ASB15: variants seen among roughly 807,000 people sequenced by gnomAD.
The protein encoded by ASB15 is ankyrin repeat and SOCS box containing 15.
In ASB15, 54 loss-of-function variants were observed where a neutral mutation model predicts 58.0. The observed-to-expected ratio is 0.93, with a 90% CI of 0.75 to 1.17. The LOEUF is 1.17. ASB15 is among the 50% of genes most tolerant of loss of function. The probability of loss-of-function intolerance (pLI) is 0.00; values close to 1 mark genes in which losing one functional copy is unlikely to be tolerated. For synonymous variants in ASB15, 249 were observed against 262.4 expected, an observed-to-expected ratio of 0.95 and a Z score of 0.50; for missense variants, 680 against 707.4, an observed-to-expected ratio of 0.96 and a Z score of 0.44.
chr7:123,570,188 C>T (rs1798871127), intron 1 of ASB15, among the ~76,000 whole-genome samples: 1 of 151,912 alleles, frequency 6.6e-6, no homozygotes, highest in Non-Finnish European at 1.5e-5. Flanking sequence ...GCGCCCGCCA[C>T]CATGCCCAGC....
At chr7:123,602,127 A>C (rs1019853605) in intron 1 of ASB15, among the ~76,000 whole-genome samples, 1 of 152,206 alleles carries the variant, frequency 6.6e-6, no homozygotes, top group African/African-American at 2.4e-5. Flanking sequence ...ACTCAATTGC[A>C]TAATTACTAA....
chr7:123,630,168 G>A, intron 11 of ASB15, 49 bp downstream of exon 11: 1 of 1,379,428 alleles, frequency 7.2e-7, no homozygotes, highest in Non-Finnish European at 9.9e-7. Context: ...GAACTTATAT[G>A]GGGGAAATTT....
intron 1 of ASB15, among the ~76,000 whole-genome samples, chr7:123,578,683 T>C (rs1327619128): frequency 6.6e-6 from 1 of 152,090 alleles, no homozygotes; most frequent in African/African-American, 2.4e-5. Flanking sequence ...TTTCATTCAA[T>C]AGCTTAGTCT....
At chr7:123,606,842 A>T (rs1168420469) in intron 2 of ASB15, among the ~76,000 whole-genome samples, 1 of 152,092 alleles carries the variant, frequency 6.6e-6, no homozygotes, top group Non-Finnish European at 1.5e-5. Context: ...TTCTTCATTT[A>T]TTCATCTGTC....
upstream of ASB15, among the ~76,000 whole-genome samples, chr7:123,601,274 AT>A (rs999065081): frequency 3.3e-5 from 5 of 152,152 alleles, no homozygotes; most frequent in African/African-American, 1.2e-4. Flanking sequence ...TTTGCTACTC[AT>A]TTTTTTAGAC....
chr7:123,624,283 G>A (rs1801618206), intron 7 of ASB15, among the ~76,000 whole-genome samples: 1 of 152,164 alleles, frequency 6.6e-6, no homozygotes. Context: ...AATTTGGAAA[G>A]AGGGCACACA....
chr7:123,598,287 A>G (rs533611644), upstream of ASB15, among the ~76,000 whole-genome samples: 10 of 152,280 alleles, frequency 6.6e-5, no homozygotes, highest in African/African-American at 2.4e-4. Flanking sequence ...TTATTTTGAT[A>G]ACAATGATAT....
At position 123,616,411 on chromosome 7, in the gene ASB15, G is replaced by T; in HGVS notation, c.208G>T (p.Asp70Tyr). Reference sequence around the variant, plus strand: ...GTATGTAAAATATAAATATGCAATGGATGAAGCTGATGAAAAAGGATGGTT... The same window carrying T: ...GTATGTAAAATATAAATATGCAATGTATGAAGCTGATGAAAAAGGATGGTT... ...QEYVKYKYAM[D>Y]EADEKGWFPL... is the part of the protein sequence containing the mutation. Residue 70 changes from aspartate to tyrosine, a missense_variant, in exon 6 of 12, where the codon GAT (aspartate) becomes TAT (tyrosine). Physicochemically the swap from Asp to Tyr is radical, Grantham distance 160. Transcript: ENST00000451215. The T allele has an allele frequency of 6.2e-7, 1 of 1,606,522 alleles. No individual in the cohort carries two copies. The highest frequency in any genetic ancestry group is 8.5e-7 in the Non-Finnish European group (1 of 1,173,464).
At chr7:123,601,656 C>T (rs112383075), upstream of ASB15, among the ~76,000 whole-genome samples, 25 of 152,248 alleles carry the variant, frequency 1.6e-4, no homozygotes, top group Non-Finnish European at 2.9e-4. Context: ...TTCTTTGAAC[C>T]AATCAGGACA....
In ASB15 at chr7:123,571,451, G is replaced by T. The variant is rs12333832; in HGVS notation, c.-443+4363G>T. Among the ~76,000 whole-genome samples the T allele has an allele frequency of 6.7e-3, 1,026 of 152,240 alleles. 7 individuals are homozygous for T. The highest frequency in any genetic ancestry group is 0.023 in the African/African-American group (957 of 41,542). Reference sequence around the variant, plus strand: ...ATTTCATTAATCACCCTGTGAAAGTGATGAAATATCATAATAATATGTCCC... The same window carrying T: ...ATTTCATTAATCACCCTGTGAAAGTTATGAAATATCATAATAATATGTCCC... On this transcript the variant is annotated intron_variant, in intron 1 of 13. Coordinates refer to the ASB15 transcript ENST00000451558.
chr7:123,611,106 A>G (rs1273589415), intron 3 of ASB15, among the ~76,000 whole-genome samples: 1 of 140,624 alleles, frequency 7.1e-6, no homozygotes, highest in African/African-American at 2.6e-5. Flanking sequence ...AAAAAAAAAG[A>G]AAAGAAAAAT....
intron 1 of ASB15, among the ~76,000 whole-genome samples, chr7:123,575,687 T>C (rs902016825): frequency 2.0e-5 from 3 of 152,134 alleles, no homozygotes; most frequent in South Asian, 2.1e-4. Context: ...CTTGACTAGA[T>C]ATAAAATTGT....
intron 1 of ASB15, among the ~76,000 whole-genome samples, chr7:123,592,068 T>C (rs896677135): frequency 3.3e-5 from 5 of 152,318 alleles, no homozygotes; most frequent in Middle Eastern, 3.4e-3. Context: ...TTCTTCTAGA[T>C]ATTTTAGTTT....
chr7:123,599,128 AAAG>A (rs1444663723), upstream of ASB15, among the ~76,000 whole-genome samples: 3 of 152,224 alleles, frequency 2.0e-5, no homozygotes, highest in East Asian at 1.9e-4. Flanking sequence ...TACAAAAAAG[AAAG>A]AAGGAGAAAA....
At chr7:123,615,064 T>C (rs1800712398) in intron 4 of ASB15, among the ~76,000 whole-genome samples, 1 of 152,190 alleles carries the variant, frequency 6.6e-6, no homozygotes, top group Admixed American at 6.5e-5. Flanking sequence ...AGAATAATGC[T>C]AAGCCATGTA....
intron 8 of ASB15, 146 bp from the exon 9 acceptor site, chr7:123,626,964 C>T: frequency 1.3e-6 from 1 of 749,924 alleles, no homozygotes; most frequent in South Asian, 2.0e-5. Context: ...TCTCGAACTC[C>T]TGACCTCATG....
chr7:123,618,370 C>G (rs1261016836), intron 7 of ASB15, among the ~76,000 whole-genome samples: 1 of 152,190 alleles, frequency 6.6e-6, no homozygotes, highest in Non-Finnish European at 1.5e-5. Context: ...CATTTCCTTT[C>G]TCTTAGGGAC....
chr7:123,626,864 G>A (rs1467043719), intron 8 of ASB15, among the ~76,000 whole-genome samples: 1 of 151,898 alleles, frequency 6.6e-6, no homozygotes, highest in Non-Finnish European at 1.5e-5. Flanking sequence ...CAGACTCCTG[G>A]GTAGCTGGGA....
At chr7:123,617,801 C>T (rs148590103) in intron 7 of ASB15, 64 bp downstream of exon 7, 20,326 of 1,463,352 alleles carry the variant, frequency 0.014, 210 homozygotes, top group Middle Eastern at 0.045. Context: ...TTATTGGAAA[C>T]CACTGTATAA....
Sources: gnomAD v4.1 joint callset for allele counts (sites outside exome capture counted in the v4.1 genomes callset) on GRCh38, gnomAD v4.1.1 for gene constraint, MANE v1.5 for transcripts, NCBI Gene and HGNC (gene_info 2026-07-23, HGNC 2026-07-21) for gene names.